DNER: variants seen among roughly 807,000 people sequenced by gnomAD.
DNER encodes delta and Notch-like epidermal growth factor-related receptor.
In DNER, 33 loss-of-function variants were observed where a neutral mutation model predicts 78.2. The ratio of observed to expected loss-of-function variants is 0.42; its 90% CI spans 0.32 to 0.56. The LOEUF (loss-of-function observed/expected upper bound fraction) is 0.56. DNER is among the 20% of genes least tolerant of loss of function. The pLI is 0.11. For missense variants in DNER, 918 were observed against 975.3 expected, an observed-to-expected ratio of 0.94 and a Z score of 0.78; for synonymous variants, 417 against 384.8, an observed-to-expected ratio of 1.08 and a Z score of -0.98.
chr2:229,512,861 G>A lies in DNER; in HGVS notation c.1069C>T (p.Pro357Ser), dbSNP rs1169864823. 2.5e-6 allele frequency: 4 copies of A among 1,614,140 alleles called. No homozygotes were observed. The highest frequency in any genetic ancestry group is 3.4e-6 in the Non-Finnish European group (4 of 1,180,016). Residue 357 changes from proline to serine, a missense_variant, in exon 6 of 13, where the codon CCT (proline) becomes TCT (serine). Physicochemically the swap from Pro to Ser is moderately conservative, Grantham distance 74. Coordinates refer to ENST00000341772, the MANE Select transcript of DNER (RefSeq NM_139072.4). ...ATACAGCTCGCGTTGTTTTGGCAAG[G>A]TTTCCTCTGGCAAGCATCGTATTCT... The part of the protein sequence containing the change: ...CEEYDACQRK[P>S]CQNNASCIDA...
chr2:229,696,301 C>A (rs905048617), intron 1 of DNER, among the ~76,000 whole-genome samples: 7 of 152,206 alleles, frequency 4.6e-5, no homozygotes, highest in Non-Finnish European at 1.0e-4. Context: ...GTATTACAAC[C>A]CACGATGATT....
chr2:229,595,447 A>C (rs1049107260), intron 1 of DNER, among the ~76,000 whole-genome samples: 1 of 151,960 alleles, frequency 6.6e-6, no homozygotes, highest in Non-Finnish European at 1.5e-5. Flanking sequence ...ACACCTAGCT[A>C]ATTTTTGTAT....
At chr2:229,568,403 C>T (rs1056289179) in intron 4 of DNER, among the ~76,000 whole-genome samples, 6 of 152,108 alleles carry the variant, frequency 3.9e-5, no homozygotes, top group African/African-American at 1.4e-4. Flanking sequence ...GTAAGGGCTG[C>T]CTGCAGCATA....
At chr2:229,602,645 T>C (rs1247302225) in intron 1 of DNER, among the ~76,000 whole-genome samples, 1 of 152,174 alleles carries the variant, frequency 6.6e-6, no homozygotes, top group Non-Finnish European at 1.5e-5. Flanking sequence ...AATAAAAATA[T>C]TTTGCATCTC....
intron 9 of DNER, among the ~76,000 whole-genome samples, chr2:229,413,950 T>C (rs1693587096): frequency 6.6e-6 from 1 of 151,946 alleles, no homozygotes. Context: ...TCTGACAGTT[T>C]CCTGAATGTA....
intron 1 of DNER, among the ~76,000 whole-genome samples, chr2:229,702,421 A>C (rs1310074053): frequency 6.6e-6 from 1 of 152,158 alleles, no homozygotes; most frequent in Non-Finnish European, 1.5e-5. Flanking sequence ...CTATAGTCCC[A>C]GCTACTCGAG....
At chr2:229,545,190 C>G (rs954649117) in intron 5 of DNER, among the ~76,000 whole-genome samples, 1 of 152,146 alleles carries the variant, frequency 6.6e-6, no homozygotes, top group African/African-American at 2.4e-5. Context: ...GAATAGATGT[C>G]CCCTAATGGA....
intron 1 of DNER, among the ~76,000 whole-genome samples, chr2:229,699,195 T>G (rs765275317): frequency 2.6e-5 from 4 of 151,600 alleles, no homozygotes; most frequent in Non-Finnish European, 5.9e-5. Context: ...ACACGACAAT[T>G]ATTAAAAGTG....
chr2:229,409,289 A>C (rs1451099025), intron 9 of DNER, among the ~76,000 whole-genome samples: 1 of 152,220 alleles, frequency 6.6e-6, no homozygotes, highest in Non-Finnish European at 1.5e-5. Flanking sequence ...CACTGGGCTG[A>C]TCAATGGGAG....
At chr2:229,471,452 T>C (rs1694923720) in intron 7 of DNER, among the ~76,000 whole-genome samples, 1 of 152,222 alleles carries the variant, frequency 6.6e-6, no homozygotes, top group South Asian at 2.1e-4. Context: ...ACCCCAGGCA[T>C]TCCCTAGAGT....
At chr2:229,562,733 T>C (rs955195432) in intron 4 of DNER, among the ~76,000 whole-genome samples, 19 of 152,098 alleles carry the variant, frequency 1.2e-4, no homozygotes, top group African/African-American at 4.6e-4. Flanking sequence ...ATGTCCTGGA[T>C]TCCTTCTTTC....
chr2:229,566,859 C>T (rs1559169210), intron 4 of DNER, among the ~76,000 whole-genome samples: 1 of 152,054 alleles, frequency 6.6e-6, no homozygotes, highest in Non-Finnish European at 1.5e-5. Context: ...AATTAAGATG[C>T]ATATATTTTC....
At position 229,546,238 on chromosome 2, in the gene DNER, A is replaced by T. The variant is rs187291240; in HGVS notation, c.993+709T>A. On this transcript the variant is annotated intron_variant, in intron 5 of 12. Coordinates refer to ENST00000341772, the MANE Select transcript of DNER (RefSeq NM_139072.4). ...CTAATGTATACAGTGCACTTTCCCCATCCCAGTGGTTTTAATTCCATTCAT... is the reference window on the plus strand; with the variant it reads ...CTAATGTATACAGTGCACTTTCCCCTTCCCAGTGGTTTTAATTCCATTCAT... 5.9e-5 allele frequency among the ~76,000 whole-genome samples: 9 copies of T among 152,306 alleles called. No homozygotes were observed. In the East Asian group the frequency reaches 1.5e-3, roughly 26 times the overall value.
intron 1 of DNER, among the ~76,000 whole-genome samples, chr2:229,627,458 C>A (rs1206148052): frequency 6.6e-6 from 1 of 152,128 alleles, no homozygotes; most frequent in Admixed American, 6.6e-5. Context: ...TGGTACCCAA[C>A]CTTTCTAGAC....
At chr2:229,564,585 T>C (rs1697063695) in intron 4 of DNER, among the ~76,000 whole-genome samples, 1 of 142,954 alleles carries the variant, frequency 7.0e-6, no homozygotes, top group African/African-American at 2.7e-5. Context: ...CATCACCCCA[T>C]CACCATCATC....
At chr2:229,425,067 C>A (rs1693843896) in intron 8 of DNER, among the ~76,000 whole-genome samples, 2 of 152,216 alleles carry the variant, frequency 1.3e-5, no homozygotes, top group Non-Finnish European at 1.5e-5. Flanking sequence ...GGTGAGAGTT[C>A]ATTCATCAGA....
Position 229,388,350 on chromosome 2 carries a change from G to A in DNER, c.1770C>T (p.Cys590=). ...IDINECDSNP[C]HHGGSCLDQP... ...GGTCCAGGCAGCTCCCACCATGGTG[G>A]CAGGGGTTACTGTCACATTCATTTA... The change falls in exon 11 of 13, where the codon TGC becomes TGT. Residue 590 remains cysteine (C), a synonymous_variant. Coordinates refer to ENST00000341772, the MANE Select transcript of DNER (RefSeq NM_139072.4). The A allele has an allele frequency of 3.1e-6, 5 of 1,612,266 alleles. No homozygotes were observed. The highest frequency in any genetic ancestry group is 3.4e-6 in the Non-Finnish European group (4 of 1,179,070).
chr2:229,714,324 C>A lies in DNER; in HGVS notation c.100G>T (p.Ala34Ser). 6 of 1,279,214 alleles carry A rather than the reference C, an allele frequency of 4.7e-6. No homozygotes were observed. The highest frequency in any genetic ancestry group is 5.9e-6 in the Non-Finnish European group (6 of 1,019,056). The allele number at this position is 1,279,214 out of a possible 1,614,324, so 79.2% of individuals were successfully genotyped here. A position where few individuals can be genotyped will look rare whatever the true frequency, so the allele number is the denominator to read the frequency against. ...AGGGGCGCGGCGGGCACCGGGTTGG[C>A]CAGGGAGCTGCCTCGGGGCCCCGCT... Reference protein sequence around the residue: ...LGAGPRGSSLANPVPAAPLSA... With the variant: ...LGAGPRGSSLSNPVPAAPLSA... Residue 34 changes from alanine to serine, a missense_variant, in exon 1 of 13, where the codon GCC (alanine) becomes TCC (serine). Transcript: ENST00000341772.
At chr2:229,437,004 G>A (rs1284498051) in intron 8 of DNER, among the ~76,000 whole-genome samples, 1 of 152,194 alleles carries the variant, frequency 6.6e-6, no homozygotes, top group African/African-American at 2.4e-5. Context: ...CAGAGTGGCC[G>A]GTTGGATAAA....
Sources: gnomAD v4.1 joint callset for allele counts (sites outside exome capture counted in the v4.1 genomes callset) on GRCh38, gnomAD v4.1.1 for gene constraint, MANE v1.5 for transcripts, NCBI Gene and HGNC (gene_info 2026-07-23, HGNC 2026-07-21) for gene names.